The following SLCO1B1 variants were observed in gnomAD, a reference collection of about 807,000 sequenced individuals.
SLCO1B1 encodes the protein OATP-2.
SLCO1B1 carries 81 observed loss-of-function variants against 70.1 expected under a neutral mutation model. That is an observed-to-expected ratio of 1.16 (90% confidence interval 0.97 to 1.39). The LOEUF is 1.39. Among genes scored for constraint, SLCO1B1 ranks in the 40% most tolerant of loss-of-function variants. The pLI is 0.00. For missense variants in SLCO1B1, 895 were observed against 799.6 expected, an observed-to-expected ratio of 1.12 and a Z score of -1.44; for synonymous variants, 283 against 271.5, an observed-to-expected ratio of 1.04 and a Z score of -0.42.
intron 7 of SLCO1B1, among the ~76,000 whole-genome samples, chr12:21,193,124 A>C (rs930875159): frequency 6.6e-6 from 1 of 152,162 alleles, no homozygotes; most frequent in Admixed American, 6.5e-5. Flanking sequence ...CATGTGGTCT[A>C]TCTTAGAAAA....
intron 14 of SLCO1B1, among the ~76,000 whole-genome samples, chr12:21,225,508 A>G (rs943549010): frequency 6.6e-6 from 1 of 152,240 alleles, no homozygotes; most frequent in Non-Finnish European, 1.5e-5. Context: ...AACTCATAGT[A>G]TAATTTCTTT....
intron 7 of SLCO1B1, among the ~76,000 whole-genome samples, chr12:21,190,516 C>T (rs1565677480): frequency 1.3e-5 from 2 of 152,292 alleles, no homozygotes; most frequent in African/African-American, 4.8e-5. Context: ...ATTCTACTCA[C>T]TAATAACTAA....
intron 14 of SLCO1B1, among the ~76,000 whole-genome samples, chr12:21,237,717 T>C (rs1941608988): frequency 1.6e-5 from 2 of 124,574 alleles, no homozygotes; most frequent in East Asian, 3.4e-4. Flanking sequence ...AAATTCTTAG[T>C]AATTTTTTTT....
intron 11 of SLCO1B1, among the ~76,000 whole-genome samples, chr12:21,206,527 A>G (rs909423686): frequency 6.6e-6 from 1 of 151,884 alleles, no homozygotes; most frequent in Non-Finnish European, 1.5e-5. Context: ...TAAGAAATTA[A>G]TCAAGGCTTC....
intron 5 of SLCO1B1, 97 bp from the exon 6 acceptor site, chr12:21,178,479 A>T (rs1227415263): frequency 1.1e-6 from 1 of 900,540 alleles, no homozygotes; most frequent in African/African-American, 1.7e-5. Flanking sequence ...AAATTAAAAA[A>T]AAATAAGTAG....
chr12:21,210,175 G>C (rs200362315), intron 11 of SLCO1B1, among the ~76,000 whole-genome samples: 19,702 of 136,012 alleles, frequency 0.14, 1,122 homozygotes, highest in East Asian at 0.35. Flanking sequence ...TTTTCTTCTA[G>C]GGTTTTTATG....
At position 21,137,144 on chromosome 12, in the gene SLCO1B1, C is replaced by T. The variant is rs183799038; in HGVS notation, c.-61-4370C>T. 3.8e-4 allele frequency among the ~76,000 whole-genome samples: 58 copies of T among 152,268 alleles called. No individual in the cohort carries two copies. The East Asian group carries it at 6.2e-3, about 16-fold the overall frequency. On this transcript the variant is annotated intron_variant, in intron 1 of 14. Transcript: ENST00000256958. ...TTCAGCCTCAGTGGCTGTAGAAGAG[C>T]GGATATTGGTGAACCACAAATGCTG...
In SLCO1B1 at chr12:21,141,618, C is replaced by G; in HGVS notation, c.44C>G (p.Pro15Arg). ...QHLNKTAEAQPSENKKTRYCN... is the reference protein window; with the variant it reads ...QHLNKTAEAQRSENKKTRYCN... ...TTGAATAAAACAGCAGAGGCACAAC[C>G]TTCAGAGAATAAGAAAACAAGATAC... The change falls in exon 2 of 15, where the codon CCT becomes CGT. Residue 15 changes from proline to arginine, a missense_variant. By Grantham distance (103) the Pro-to-Arg change is moderately radical (BLOSUM62 -2). Coordinates refer to ENST00000256958, the MANE Select transcript of SLCO1B1 (RefSeq NM_006446.5). The G allele has an allele frequency of 1.2e-6, 2 of 1,608,632 alleles. No homozygotes were observed. The highest frequency in any genetic ancestry group is 1.7e-6 in the Non-Finnish European group (2 of 1,176,156).
intron 12 of SLCO1B1, among the ~76,000 whole-genome samples, chr12:21,217,760 CT>C (rs749018414): frequency 1.3e-5 from 2 of 152,094 alleles, no homozygotes; most frequent in Non-Finnish European, 2.9e-5. Flanking sequence ...CACAGCATGA[CT>C]TTTATAATAC....
intron 7 of SLCO1B1, among the ~76,000 whole-genome samples, chr12:21,190,558 ATGT>A (rs1439207060): frequency 2.6e-5 from 4 of 152,132 alleles, no homozygotes; most frequent in Non-Finnish European, 5.9e-5. Context: ...TTTGGGGTAG[ATGT>A]TGTTTTTCGT....
chr12:21,184,355 G>A (rs1460847889), intron 7 of SLCO1B1, among the ~76,000 whole-genome samples: 1 of 152,030 alleles, frequency 6.6e-6, no homozygotes. Context: ...TTTTTGGGGG[G>A]CAGCTAGAGA....
At chr12:21,151,729 A>G (rs1940472819) in intron 2 of SLCO1B1, among the ~76,000 whole-genome samples, 4 of 152,148 alleles carry the variant, frequency 2.6e-5, no homozygotes, top group Admixed American at 2.6e-4. Flanking sequence ...CATTTCTCAG[A>G]GGAAGTTTTA....
rs529216689 is a variant in SLCO1B1 at position 21,214,890 on chromosome 12, C to T, written c.1498-2229C>T. 3.3e-5 allele frequency among the ~76,000 whole-genome samples: 5 copies of T among 152,064 alleles called. 1 individual carries two copies. Among genetic ancestry groups the T allele is most frequent in the Non-Finnish European group, 7.4e-5 (5 of 68,000 alleles). On this transcript the variant is annotated intron_variant, in intron 11 of 14. Transcript: ENST00000256958. Reference sequence around the variant, plus strand: ...GGAACTCCCTGACCCCTTGCGCTTCCCAAGCCAGGCAATGCCTCGCCCTGC... The same window carrying T: ...GGAACTCCCTGACCCCTTGCGCTTCTCAAGCCAGGCAATGCCTCGCCCTGC...
chr12:21,186,499 GAGC>G (rs1175453508), intron 7 of SLCO1B1, among the ~76,000 whole-genome samples: 5 of 151,946 alleles, frequency 3.3e-5, no homozygotes, highest in African/African-American at 1.2e-4. Context: ...AACACCGTTG[GAGC>G]CATATGAATT....
chr12:21,238,967 CTATT>C lies in SLCO1B1; in HGVS notation c.1866-10_1866-7del. The C allele has an allele frequency of 6.8e-7, 1 of 1,479,564 alleles. No homozygotes were observed. The highest frequency in any genetic ancestry group is 9.4e-7 in the Non-Finnish European group (1 of 1,064,260). 91.7% of individuals were successfully genotyped at this position (1,479,564 alleles called of 1,614,324 possible). ...AAACTGATTTATTGTTTTATTTTCT[CTATT>C]TCTACAGAAGGGTCTACTTGGGCTT... On this transcript the variant is annotated splice_polypyrimidine_tract_variant and splice_region_variant and intron_variant, in intron 14 of 14. Coordinates refer to ENST00000256958, the MANE Select transcript of SLCO1B1 (RefSeq NM_006446.5).
At chr12:21,216,576 A>G (rs1016336227) in intron 11 of SLCO1B1, among the ~76,000 whole-genome samples, 3 of 152,058 alleles carry the variant, frequency 2.0e-5, no homozygotes, top group Non-Finnish European at 4.4e-5. Flanking sequence ...CTGTCATTGT[A>G]TCCTTGGATT....
chr12:21,167,784 T>A (rs565194051), intron 2 of SLCO1B1, among the ~76,000 whole-genome samples: 1 of 151,920 alleles, frequency 6.6e-6, no homozygotes, highest in Admixed American at 6.6e-5. Context: ...ATTTTTTGAC[T>A]ACTTTAAATA....
At chr12:21,187,669 A>G (rs1178170137) in intron 7 of SLCO1B1, among the ~76,000 whole-genome samples, 10 of 72,650 alleles carry the variant, frequency 1.4e-4, no homozygotes, top group African/African-American at 3.5e-4. Flanking sequence ...TGTTATAGGG[A>G]AAAAAAAAAG....
At chr12:21,217,009 A>T in intron 11 of SLCO1B1, 110 bp from the exon 12 acceptor site, 1 of 812,450 alleles carries the variant, frequency 1.2e-6, no homozygotes, top group Non-Finnish European at 2.1e-6. Flanking sequence ...CTTAAACTGT[A>T]AATATATTAG....
Sources: allele counts gnomAD v4.1 joint callset (sites outside exome capture counted in the v4.1 genomes callset), GRCh38; gene constraint gnomAD v4.1.1; transcripts MANE v1.5; gene names NCBI Gene and HGNC (gene_info 2026-07-23, HGNC 2026-07-21).